ZNF674: variants seen among roughly 807,000 people sequenced by gnomAD.
ZNF674 encodes zinc finger protein 674, also known as zinc finger family member 674.
Under a neutral mutation model 7.0 loss-of-function variants are expected in ZNF674, and 2 were observed. That is an observed-to-expected ratio of 0.29 (90% confidence interval 0.12 to 0.90). The LOEUF is 0.90. ZNF674 is among the 40% of genes least tolerant of loss of function. ZNF674 has a pLI of 0.57. For missense variants in ZNF674, 297 were observed against 415.5 expected (o/e 0.71, Z 2.48); for synonymous variants, 103 against 145.2 (o/e 0.71, Z 2.09).
In ZNF674 at chrX:46,545,378, C is replaced by G. The variant is rs1447026675; in HGVS notation, c.-148G>C. 1 of 112,651 alleles carries G rather than the reference C, an allele frequency of 8.9e-6. No individual in the cohort carries two copies. Among genetic ancestry groups the G allele is most frequent in the African/African-American group, 3.2e-5 (1 of 31,093 alleles). 9.3% of individuals were successfully genotyped at this position (112,651 alleles called of 1,213,427 possible). On this transcript the variant is annotated 5_prime_UTR_variant, in exon 1 of 6. Coordinates refer to ENST00000683375, the MANE Select transcript of ZNF674 (RefSeq NM_001190417.2). Reference sequence around the variant, plus strand: ...CCTCACCCTCCCGCTTACTTCACTGCCGACAGCCTGAAACCTCAGGGGCGG... The same window carrying G: ...CCTCACCCTCCCGCTTACTTCACTGGCGACAGCCTGAAACCTCAGGGGCGG...
intron 3 of ZNF674, among the ~76,000 whole-genome samples, chrX:46,536,586 C>CA (rs376640339): frequency 0.015 from 790 of 54,402 alleles, 15 homozygotes; most frequent in East Asian, 0.14. Context: ...GACTCCGTCT[C>CA]AAAAAAAAAA....
intron 5 of ZNF674, among the ~76,000 whole-genome samples, chrX:46,526,426 A>G (rs747940109): frequency 1.8e-5 from 2 of 110,644 alleles, no homozygotes; most frequent in Admixed American, 9.8e-5. Flanking sequence ...GTACAAGTGC[A>G]TGCCATCATG....
intron 5 of ZNF674, among the ~76,000 whole-genome samples, chrX:46,505,497 G>C (rs189155743): frequency 8.9e-6 from 1 of 111,803 alleles, no homozygotes; most frequent in Non-Finnish European, 1.9e-5. Context: ...TATGCCAGAC[G>C]TGGTGACTCA....
intron 5 of ZNF674, among the ~76,000 whole-genome samples, chrX:46,517,576 T>C (rs1941790707): frequency 9.0e-6 from 1 of 111,371 alleles, no homozygotes; most frequent in South Asian, 3.7e-4. Context: ...ACATTTCTAA[T>C]GCAGCCAGAG....
chrX:46,504,381 C>T (rs1165899007), intron 5 of ZNF674, among the ~76,000 whole-genome samples: 1 of 108,413 alleles, frequency 9.2e-6, no homozygotes, highest in Non-Finnish European at 1.9e-5. Flanking sequence ...TCGCTGTTGT[C>T]ACCCAGGCTG....
intron 3 of ZNF674, among the ~76,000 whole-genome samples, chrX:46,534,128 C>T (rs1228416784): frequency 9.2e-6 from 1 of 108,622 alleles, no homozygotes; most frequent in Non-Finnish European, 1.9e-5. Context: ...AAACCATCAG[C>T]TCTCATGAGA....
intron 2 of ZNF674, among the ~76,000 whole-genome samples, 159 bp downstream of exon 2, chrX:46,544,342 G>A (rs1942342125): frequency 8.9e-6 from 1 of 112,812 alleles, no homozygotes; most frequent in South Asian, 3.6e-4. Context: ...TGAGGATCTG[G>A]GTCTGGGCTC....
chrX:46,509,985 T>C (rs1445270482), intron 5 of ZNF674, among the ~76,000 whole-genome samples: 3 of 110,239 alleles, frequency 2.7e-5, no homozygotes, highest in African/African-American at 9.9e-5. Flanking sequence ...TCATGTCCTT[T>C]GTAGGGACAT....
At position 46,499,323 on chromosome X, in the gene ZNF674, C is replaced by T. The variant is rs1302162068; in HGVS notation, c.*520G>A. On this transcript the variant is annotated 3_prime_UTR_variant, in exon 6 of 6. Transcript: ENST00000683375. The stretch of plus-strand genomic sequence containing the variant: ...GACTAAAGGTATGCACCACTACACT[C>T]AGATAACTTTTGTATTTTTTGTAGA... 8.8e-6 allele frequency: 1 copy of T among 113,030 alleles called. No homozygotes were observed. Among genetic ancestry groups the T allele is most frequent in the Non-Finnish European group, 1.8e-5 (1 of 54,352 alleles). The allele number at this position is 113,030 out of a possible 1,213,427, so 9.3% of individuals were successfully genotyped here. A position where few individuals can be genotyped will look rare whatever the true frequency, so the allele number is the denominator to read the frequency against.
chrX:46,501,662 A>ATATGTGTGTGTGTGTGTGTG (rs1556008912), intron 5 of ZNF674, among the ~76,000 whole-genome samples: 1 of 102,349 alleles, frequency 9.8e-6, no homozygotes, highest in Admixed American at 1.1e-4. Context: ...TTGTATATAT[A>ATATGTGTGTGTGTGTGTGTG]TGTGTGTGTG....
chrX:46,517,936 C>G (rs1243831555), intron 5 of ZNF674: 1 of 110,270 alleles, frequency 9.1e-6, no homozygotes, highest in Non-Finnish European at 1.9e-5. Flanking sequence ...TATTACACAT[C>G]ATATGCCTGT....
At chrX:46,541,564 AT>A (rs1046333215) in intron 3 of ZNF674, among the ~76,000 whole-genome samples, 30 of 111,499 alleles carry the variant, frequency 2.7e-4, no homozygotes, top group Admixed American at 1.1e-3. Context: ...CATAAAAAAA[AT>A]ATATACGTGT....
At chrX:46,540,157 T>C (rs936363805) in intron 3 of ZNF674, among the ~76,000 whole-genome samples, 4 of 109,342 alleles carry the variant, frequency 3.7e-5, no homozygotes, top group African/African-American at 1.3e-4. Flanking sequence ...GGCAGGAGAA[T>C]GGCGGGAACC....
chrX:46,512,407 T>C (rs1045502586), intron 5 of ZNF674, among the ~76,000 whole-genome samples: 2 of 110,634 alleles, frequency 1.8e-5, no homozygotes, highest in African/African-American at 6.6e-5. Flanking sequence ...TATTTAAATT[T>C]TTAAAAAATT....
chrX:46,517,897 G>A (rs943759009), intron 5 of ZNF674: 6 of 110,458 alleles, frequency 5.4e-5, no homozygotes, highest in African/African-American at 2.0e-4. Context: ...TGCTTGAGGG[G>A]ATGGATACCC....
At chrX:46,535,055 C>T (rs1569482828) in intron 3 of ZNF674, among the ~76,000 whole-genome samples, 1 of 112,310 alleles carries the variant, frequency 8.9e-6, no homozygotes, top group Non-Finnish European at 1.9e-5. Flanking sequence ...AAAAGCCTTT[C>T]TAAGCAATCC....
intron 5 of ZNF674, chrX:46,523,661 T>C (rs1303282210): frequency 8.9e-6 from 1 of 111,980 alleles, no homozygotes; most frequent in Non-Finnish European, 1.9e-5. Context: ...CTTGGTAGTT[T>C]AGATGAGACA....
intron 5 of ZNF674, among the ~76,000 whole-genome samples, chrX:46,519,763 A>G (rs1265415210): frequency 8.9e-6 from 1 of 111,939 alleles, no homozygotes; most frequent in Admixed American, 9.5e-5. Flanking sequence ...AGGGAAATAA[A>G]AACTTATTAC....
At chrX:46,506,228 T>C (rs1206441247) in intron 5 of ZNF674, among the ~76,000 whole-genome samples, 1 of 111,418 alleles carries the variant, frequency 9.0e-6, no homozygotes, top group African/African-American at 3.3e-5. Context: ...CACCTGTTTT[T>C]CTTCTGGGAG....
Sources: allele counts gnomAD v4.1 joint callset (sites outside exome capture counted in the v4.1 genomes callset), GRCh38; gene constraint gnomAD v4.1.1; transcripts MANE v1.5; gene names NCBI Gene and HGNC (gene_info 2026-07-23, HGNC 2026-07-21).